Variants in LCMT1 observed in about 807,000 individuals in gnomAD.
LCMT1 encodes the protein leucine carboxyl methyltransferase 1, also known as [Phosphatase 2A protein]-leucine-carboxy methyltransferase 1.
Under a neutral mutation model 47.7 loss-of-function variants are expected in LCMT1, and 32 were observed. The observed-to-expected ratio is 0.67, with a 90% CI of 0.51 to 0.90. LCMT1 has a LOEUF of 0.90. Among genes scored for constraint, LCMT1 ranks in the 40% least tolerant of loss-of-function variants. LCMT1 has a pLI of 0.00. For synonymous variants in LCMT1, 152 were observed against 149.7 expected (o/e 1.02, Z -0.11); for missense variants, 375 against 415.2 (o/e 0.90, Z 0.84).
At chr16:25,131,094 C>T (rs569745005) in intron 2 of LCMT1, among the ~76,000 whole-genome samples, 35 of 152,376 alleles carry the variant, frequency 2.3e-4, no homozygotes, top group African/African-American at 8.4e-4. Context: ...GCCTTATTCT[C>T]AGCCAGATTG....
In LCMT1 at chr16:25,151,566, C is replaced by T. The variant is rs758824979; in HGVS notation, c.417C>T (p.Pro139=). Residue 139 remains proline, a synonymous_variant, in exon 5 of 11, where the codon CCC becomes CCT. Transcript: ENST00000399069. The part of the protein sequence containing the change: ...RKLHSIKCKP[P]LSSPILELHS... ...CATCTTCCCATAGATGCAAGCCTCC[C>T]CTATCCAGCCCCATTCTAGAACTGC... is the stretch of plus-strand genomic sequence containing the variant. 6.2e-7 allele frequency: 1 copy of T among 1,613,314 alleles called. No individual in the cohort carries two copies. The highest frequency in any genetic ancestry group is 8.5e-7 in the Non-Finnish European group (1 of 1,179,484).
At chr16:25,150,489 CAT>C (rs1961047364) in intron 4 of LCMT1, among the ~76,000 whole-genome samples, 1 of 151,946 alleles carries the variant, frequency 6.6e-6, no homozygotes, top group East Asian at 1.9e-4. Flanking sequence ...GGATTCCAGA[CAT>C]GTGCCACCAT....
intron 3 of LCMT1, among the ~76,000 whole-genome samples, chr16:25,139,435 G>A (rs1248655727): frequency 3.3e-5 from 5 of 151,868 alleles, no homozygotes; most frequent in Non-Finnish European, 7.4e-5. Flanking sequence ...GCTTGAACCC[G>A]GGAGGCAGAG....
intron 4 of LCMT1, chr16:25,147,902 G>C (rs1331286936): frequency 6.6e-6 from 1 of 152,114 alleles, no homozygotes; most frequent in Admixed American, 6.5e-5. Flanking sequence ...TGTTTCCCAG[G>C]CTGGAGTTTC....
At chr16:25,116,662 C>G (rs965683495) in intron 1 of LCMT1, among the ~76,000 whole-genome samples, 1 of 148,674 alleles carries the variant, frequency 6.7e-6, no homozygotes, top group African/African-American at 2.5e-5. Flanking sequence ...AAGCGGATCA[C>G]TTGAGCTCAG....
At chr16:25,170,072 T>C (rs1961708902) in intron 8 of LCMT1, among the ~76,000 whole-genome samples, 2 of 151,932 alleles carry the variant, frequency 1.3e-5, no homozygotes, top group East Asian at 1.9e-4. Context: ...ATACAAAAAT[T>C]AGCCGGGTGT....
intron 10 of LCMT1, among the ~76,000 whole-genome samples, chr16:25,176,567 TTTTTTTTTTTTTTG>T (rs1961951520): frequency 1.6e-5 from 2 of 125,052 alleles, no homozygotes; most frequent in African/African-American, 6.2e-5. Context: ...TTTTTTTTTT[TTTTTTTTTTTTTTG>T]AGATGGAGTC....
At chr16:25,158,062 C>T (rs1039050005) in intron 5 of LCMT1, among the ~76,000 whole-genome samples, 5 of 152,234 alleles carry the variant, frequency 3.3e-5, no homozygotes, top group East Asian at 3.8e-4. Flanking sequence ...TCCTGAGATG[C>T]GTGCCCTGTA....
intron 3 of LCMT1, among the ~76,000 whole-genome samples, chr16:25,139,369 A>G (rs1960605833): frequency 6.6e-6 from 1 of 152,002 alleles, no homozygotes; most frequent in Non-Finnish European, 1.5e-5. Flanking sequence ...AGAAAAATGT[A>G]TCAGAGGCTG....
chr16:25,119,330 A>T (rs1254792724), intron 1 of LCMT1, among the ~76,000 whole-genome samples: 1 of 151,948 alleles, frequency 6.6e-6, no homozygotes, highest in South Asian at 2.1e-4. Flanking sequence ...CTTGGTGGTC[A>T]TCGGCCCAGT....
chr16:25,169,445 A>C, intron 8 of LCMT1: 1 of 391,026 alleles, frequency 2.6e-6, no homozygotes, highest in Non-Finnish European at 4.7e-6. Flanking sequence ...GCAAATTTTC[A>C]AACAAACATA....
chr16:25,151,948 G>T (rs1474830699), intron 5 of LCMT1, among the ~76,000 whole-genome samples: 2 of 152,076 alleles, frequency 1.3e-5, no homozygotes, highest in Non-Finnish European at 2.9e-5. Context: ...ATAAGCTATA[G>T]GAGTCATCAT....
intron 2 of LCMT1, chr16:25,132,160 T>C: frequency 5.7e-6 from 3 of 529,650 alleles, no homozygotes; most frequent in Non-Finnish European, 7.0e-6. Flanking sequence ...CTATAGCTCA[T>C]TTTTTCAAAG....
At chr16:25,158,644 A>G (rs1961332909) in intron 5 of LCMT1, 1 of 152,254 alleles carries the variant, frequency 6.6e-6, no homozygotes, top group African/African-American at 2.4e-5. Context: ...TAGATTTTAT[A>G]CAAATGGCTT....
At chr16:25,144,081 T>G (rs537621101) in intron 4 of LCMT1, 2 of 152,380 alleles carry the variant, frequency 1.3e-5, no homozygotes, top group East Asian at 3.9e-4. Flanking sequence ...GACCAGTCCC[T>G]CTGGTGGCCT....
intron 5 of LCMT1, among the ~76,000 whole-genome samples, chr16:25,155,292 C>T (rs139630720): frequency 1.1e-4 from 16 of 151,996 alleles, no homozygotes; most frequent in Non-Finnish European, 1.8e-4. Flanking sequence ...AAAGGAAGGC[C>T]GGGTGTGGTG....
chr16:25,158,579 A>C (rs1961330986), intron 5 of LCMT1, among the ~76,000 whole-genome samples: 1 of 152,250 alleles, frequency 6.6e-6, no homozygotes, highest in Non-Finnish European at 1.5e-5. Context: ...ACCAGCTCTC[A>C]GAAGCATTCC....
chr16:25,112,323 CGATGG>C (rs1423112510), intron 1 of LCMT1, among the ~76,000 whole-genome samples: 1 of 152,132 alleles, frequency 6.6e-6, no homozygotes, highest in East Asian at 1.9e-4. Flanking sequence ...GCTCCAGCCT[CGATGG>C]GTTACGAGGA....
chr16:25,177,470 A>G (rs1269013841), intron 10 of LCMT1, among the ~76,000 whole-genome samples: 1 of 152,220 alleles, frequency 6.6e-6, no homozygotes, highest in African/African-American at 2.4e-5. Context: ...CCCCCTGGCA[A>G]TTAAAAATGC....
Sources: allele counts gnomAD v4.1 joint callset (sites outside exome capture counted in the v4.1 genomes callset), GRCh38; gene constraint gnomAD v4.1.1; transcripts MANE v1.5; gene names NCBI Gene and HGNC (gene_info 2026-07-23, HGNC 2026-07-21).